The following STAP1 variants were observed in gnomAD, a reference collection of about 807,000 sequenced individuals.
The protein encoded by STAP1 is signal-transducing adaptor protein 1.
Under a neutral mutation model 37.8 loss-of-function variants are expected in STAP1, and 30 were observed. That is an observed-to-expected ratio of 0.79 (90% CI 0.59 to 1.08). The LOEUF is 1.08. Among genes scored for constraint, STAP1 ranks in the 50% least tolerant of loss-of-function variants. The probability of loss-of-function intolerance (pLI) is 0.00; values close to 1 mark genes in which losing one functional copy is unlikely to be tolerated. For synonymous variants in STAP1, 130 were observed against 116.0 expected (o/e 1.12, Z -0.78); for missense variants, 357 against 349.4 (o/e 1.02, Z -0.17).
At chr4:67,577,576 T>C (rs1291769862) in intron 4 of STAP1, among the ~76,000 whole-genome samples, 1 of 152,162 alleles carries the variant, frequency 6.6e-6, no homozygotes, top group Admixed American at 6.5e-5. Context: ...TGGTCCTTTG[T>C]ATATTCTGAT....
chr4:67,596,667 A>G (rs1251286539), intron 8 of STAP1, among the ~76,000 whole-genome samples: 1 of 152,364 alleles, frequency 6.6e-6, no homozygotes, highest in East Asian at 1.9e-4. Context: ...CATTCATGCT[A>G]TGCTTTAGCA....
chr4:67,581,960 C>T (rs1222850579), intron 5 of STAP1, among the ~76,000 whole-genome samples: 1 of 152,046 alleles, frequency 6.6e-6, no homozygotes, highest in Admixed American at 6.6e-5. Context: ...GCAGAAAATG[C>T]TAAATTCACC....
intron 1 of STAP1, among the ~76,000 whole-genome samples, chr4:67,570,334 AC>A (rs1332469776): frequency 4.6e-5 from 7 of 152,142 alleles, no homozygotes; most frequent in African/African-American, 9.7e-5. Flanking sequence ...ATCACCACAA[AC>A]ACCTGAGTCA....
intron 4 of STAP1, 62 bp downstream of exon 4, chr4:67,577,321 C>A: frequency 1.4e-6 from 2 of 1,453,754 alleles, no homozygotes; most frequent in Non-Finnish European, 1.9e-6. Context: ...TGCTGAACAC[C>A]CTATGATCCA....
chr4:67,572,673 T>C (rs369109933), intron 2 of STAP1, among the ~76,000 whole-genome samples: 12 of 152,164 alleles, frequency 7.9e-5, no homozygotes, highest in African/African-American at 2.7e-4. Context: ...AAAATAGTAG[T>C]CCATTTTATA....
At chr4:67,564,369 C>A (rs1727418835) in intron 1 of STAP1, among the ~76,000 whole-genome samples, 1 of 152,220 alleles carries the variant, frequency 6.6e-6, no homozygotes, top group Admixed American at 6.5e-5. Context: ...TAACTTTACC[C>A]AATTCATATC....
chr4:67,585,502 A>G (rs1488893866), intron 6 of STAP1, among the ~76,000 whole-genome samples: 1 of 152,218 alleles, frequency 6.6e-6, no homozygotes, highest in Non-Finnish European at 1.5e-5. Context: ...AGAATGTTAG[A>G]TGGTAAATCA....
chr4:67,584,960 C>A (rs530956872), intron 6 of STAP1, among the ~76,000 whole-genome samples: 1 of 152,296 alleles, frequency 6.6e-6, no homozygotes, highest in African/African-American at 2.4e-5. Context: ...AATGGTCTAA[C>A]TTTGATAAAG....
intron 6 of STAP1, 69 bp downstream of exon 6, chr4:67,583,771 A>C (rs763501799): frequency 1.1e-4 from 163 of 1,542,946 alleles, no homozygotes; most frequent in Non-Finnish European, 1.4e-4. Context: ...AGTCCAGATC[A>C]GCACCTGCTA....
Position 67,558,742 on chromosome 4 carries a change from C to G in STAP1, c.-68C>G. On this transcript the variant is annotated 5_prime_UTR_variant, in exon 1 of 9. Transcript: ENST00000265404. The stretch of plus-strand genomic sequence containing the variant: ...CTTCCTCTTTGAACAGTTGCCTTTT[C>G]CTCTCACAGAAGGAAGATTTCATTT... 2 of 1,561,200 alleles carry G rather than the reference C, an allele frequency of 1.3e-6. No homozygotes were observed. The highest frequency in any genetic ancestry group is 1.7e-6 in the Non-Finnish European group (2 of 1,156,578).
chr4:67,570,039 G>T (rs1271397464), intron 1 of STAP1, among the ~76,000 whole-genome samples: 1 of 152,064 alleles, frequency 6.6e-6, no homozygotes, highest in African/African-American at 2.4e-5. Flanking sequence ...CCCAGTGGAT[G>T]GCCTTTAGGG....
At chr4:67,585,583 TCTGTCAA>T (rs756332469) in intron 6 of STAP1, among the ~76,000 whole-genome samples, 49 of 152,352 alleles carry the variant, frequency 3.2e-4, no homozygotes, top group Middle Eastern at 6.8e-3. Flanking sequence ...ACAATGAATG[TCTGTCAA>T]CTTAAACTTG....
rs137969177 is a variant in STAP1 at position 67,566,035 on chromosome 4, G to A, written c.121-5049G>A. 4.6e-3 allele frequency among the ~76,000 whole-genome samples: 616 copies of A among 134,342 alleles called. 3 individuals carry two copies. Among genetic ancestry groups the A allele is most frequent in the African/African-American group, 0.017 (598 of 35,574 alleles). 88.1% of individuals were successfully genotyped at this position (134,342 alleles called of 152,430 possible). On this transcript the variant is annotated intron_variant, in intron 1 of 8. Transcript: ENST00000265404. ...GCGATCTCTGCTCACTGCAACCTTC[G>A]CTTCCTGGGTTCAAGAGATTCTCCT...
At chr4:67,562,101 A>G (rs981452107) in intron 1 of STAP1, among the ~76,000 whole-genome samples, 4 of 142,410 alleles carry the variant, frequency 2.8e-5, no homozygotes, top group Admixed American at 7.1e-5. Context: ...AGAAAGAAAG[A>G]GAGAAAGAAA....
chr4:67,562,029 G>A (rs528631189), intron 1 of STAP1, among the ~76,000 whole-genome samples: 2 of 135,064 alleles, frequency 1.5e-5, no homozygotes, highest in Non-Finnish European at 3.0e-5. Flanking sequence ...CCGAGATCGC[G>A]CCACTGCACT....
intron 1 of STAP1, among the ~76,000 whole-genome samples, chr4:67,565,918 C>A (rs1324911893): frequency 2.0e-5 from 3 of 149,380 alleles, no homozygotes; most frequent in Non-Finnish European, 4.5e-5. Flanking sequence ...CTTCTCTTCC[C>A]CCCTCAACCC....
chr4:67,575,954 C>G (rs1727711043), intron 3 of STAP1, among the ~76,000 whole-genome samples: 1 of 152,186 alleles, frequency 6.6e-6, no homozygotes, highest in African/African-American at 2.4e-5. Context: ...ATCGGACCCC[C>G]ATCCCCCAAC....
chr4:67,577,220 TG>T lies in STAP1; in HGVS notation c.328del (p.Glu110LysfsTer10), dbSNP rs1486640961. 1.2e-6 allele frequency: 2 copies of T among 1,610,594 alleles called. No homozygotes were observed. Among genetic ancestry groups the T allele is most frequent in the Non-Finnish European group, 1.7e-6 (2 of 1,178,496 alleles). On this transcript the variant is annotated frameshift_variant, in exon 4 of 9. Coordinates refer to ENST00000265404, the MANE Select transcript of STAP1 (RefSeq NM_012108.4). LOFTEE classifies it high-confidence loss of function. ...VQLKTENTESGEEWRGFILTV... is the reference protein window; with the variant it reads ...VQLKTENTESXEEWRGFILTV... ...AACTTTAGACAGAGAACACAGAAAG[TG>T]GGGAAGAATGGAGAGGCTTCATTCT...
In STAP1 at chr4:67,561,048, G is replaced by T. The variant is rs546165855; in HGVS notation, c.120+2119G>T. 6.6e-5 allele frequency among the ~76,000 whole-genome samples: 10 copies of T among 152,294 alleles called. No homozygotes were observed. The East Asian group carries it at 1.9e-3, about 29-fold the overall frequency. On this transcript the variant is annotated intron_variant, in intron 1 of 8. Coordinates refer to ENST00000265404, the MANE Select transcript of STAP1 (RefSeq NM_012108.4). ...TTCAGGGATTAAAGGGATAGCATAT[G>T]TAAAACACCTGGCTCACACTAAAGG...
Sources: allele counts gnomAD v4.1 joint callset (sites outside exome capture counted in the v4.1 genomes callset), GRCh38; gene constraint gnomAD v4.1.1; transcripts MANE v1.5; gene names NCBI Gene and HGNC (gene_info 2026-07-23, HGNC 2026-07-21).